The following IL37 variants were observed in gnomAD, a reference collection of about 807,000 sequenced individuals.
IL37 encodes the protein interleukin 37.
Under a neutral mutation model 15.4 loss-of-function variants are expected in IL37, and 15 were observed. The observed-to-expected ratio is 0.98, with a 90% CI of 0.65 to 1.50. The LOEUF is 1.50. Among genes scored for constraint, IL37 ranks in the 40% most tolerant of loss-of-function variants. The pLI, the probability that IL37 is intolerant of heterozygous loss-of-function variation, is 0.00. For synonymous variants in IL37, 98 were observed against 97.4 expected (o/e 1.01, Z -0.03); for missense variants, 269 against 261.7 (o/e 1.03, Z -0.19).
At chr2:112,915,370 C>A in intron 3 of IL37, 1 of 911,752 alleles carries the variant, frequency 1.1e-6, no homozygotes, top group Non-Finnish European at 1.7e-6. Flanking sequence ...CCCAGGTATC[C>A]ATGGTCTTAA....
intron 3 of IL37, among the ~76,000 whole-genome samples, chr2:112,914,788 C>T (rs936139039): frequency 7.2e-5 from 11 of 152,184 alleles, no homozygotes; most frequent in African/African-American, 2.2e-4. Flanking sequence ...TCAAATCTGG[C>T]GGAAGTGGTT....
In IL37 at chr2:112,917,654, C is replaced by T. The variant is rs771763163; in HGVS notation, c.285C>T (p.Ala95=). The change falls in exon 5 of 6, where the codon GCC becomes GCT. Residue 95 remains alanine (A), a synonymous_variant. Transcript: ENST00000263326. Reference sequence around the variant, plus strand: ...TTCCAGAGATCTTCTTTGCATTAGCCTCATCCTTGAGCTCAGCCTCTGCGG... The same window carrying T: ...TTCCAGAGATCTTCTTTGCATTAGCTTCATCCTTGAGCTCAGCCTCTGCGG... The part of the protein sequence containing the change: ...YIRPEIFFAL[A]SSLSSASAEK... 1 of 1,594,250 alleles carries T rather than the reference C, an allele frequency of 6.3e-7. No individual in the cohort carries two copies. The highest frequency in any genetic ancestry group is 1.1e-5 in the South Asian group (1 of 87,796).
chr2:112,915,134 A>T, intron 3 of IL37: 1 of 1,510,800 alleles, frequency 6.6e-7, no homozygotes. Flanking sequence ...AAGGATCATG[A>T]GCGAGAACAC....
intron 3 of IL37, among the ~76,000 whole-genome samples, chr2:112,914,671 C>G (rs1326936614): frequency 6.6e-6 from 1 of 152,176 alleles, no homozygotes; most frequent in Non-Finnish European, 1.5e-5. Context: ...GTAGTTACAC[C>G]ATTGCTGGCT....
At chr2:112,918,536 C>A (rs746524603) in intron 5 of IL37, 25 bp from the exon 6 acceptor site, 1 of 1,595,124 alleles carries the variant, frequency 6.3e-7, no homozygotes, top group Admixed American at 1.7e-5. Flanking sequence ...CCTGTGCTAT[C>A]TAATTAATCC....
intron 3 of IL37, among the ~76,000 whole-genome samples, chr2:112,915,543 T>G (rs922081889): frequency 6.6e-6 from 1 of 152,204 alleles, no homozygotes; most frequent in Non-Finnish European, 1.5e-5. Context: ...AACCATAGTT[T>G]GCAGGTGATT....
At chr2:112,917,985 C>CG (rs36114356) in intron 5 of IL37, among the ~76,000 whole-genome samples, 1 of 152,216 alleles carries the variant, frequency 6.6e-6, no homozygotes, top group East Asian at 1.9e-4. Flanking sequence ...CTCCTCACAG[C>CG]GGGGAGACAG....
chr2:112,912,654 C>T (rs1683203250), intron 1 of IL37, among the ~76,000 whole-genome samples: 1 of 152,184 alleles, frequency 6.6e-6, no homozygotes, highest in Non-Finnish European at 1.5e-5. Context: ...GGCCAAAGGC[C>T]ATAGTGTGCC....
chr2:112,914,623 G>C, intron 3 of IL37, among the ~76,000 whole-genome samples: 1 of 152,314 alleles, frequency 6.6e-6, no homozygotes, highest in East Asian at 1.9e-4. Context: ...CTTCTCCACC[G>C]CTGCTGCTGC....
At chr2:112,918,197 G>A (rs946858157) in intron 5 of IL37, among the ~76,000 whole-genome samples, 1 of 23,568 alleles carries the variant, frequency 4.2e-5, no homozygotes. Flanking sequence ...CCTGGATGGA[G>A]CACCTTTCAC....
At chr2:112,915,414 CA>C (rs1683284502) in intron 3 of IL37, among the ~76,000 whole-genome samples, 1 of 152,106 alleles carries the variant, frequency 6.6e-6, no homozygotes, top group African/African-American at 2.4e-5. Flanking sequence ...CAGTGTGCAC[CA>C]GGGGTGAGAG....
rs550494451 is a variant in IL37 at position 112,913,077 on chromosome 2, C to T, written c.65C>T (p.Pro22Leu). The T allele has an allele frequency of 1.7e-5, 26 of 1,564,420 alleles. No homozygotes were observed. The South Asian group carries it at 2.7e-4, about 16-fold the overall frequency. Residue 22 changes from proline (P) to leucine (L), a missense_variant, in exon 2 of 6, where the codon CCC (proline) becomes CTC (leucine). Coordinates refer to ENST00000263326, the MANE Select transcript of IL37 (RefSeq NM_014439.4). Reference protein sequence around the residue: ...MGSEDWEKDEPQCCLEDPAGS... With the variant: ...MGSEDWEKDELQCCLEDPAGS... The stretch of plus-strand genomic sequence containing the variant: ...TCTGAGGACTGGGAAAAAGATGAAC[C>T]CCAGTGCTGCTTAGAAGGTAAGGTT...
intron 3 of IL37, 21 bp from the exon 4 acceptor site, chr2:112,917,108 T>C (rs1189083094): frequency 1.2e-6 from 2 of 1,613,286 alleles, no homozygotes; most frequent in East Asian, 4.5e-5. Flanking sequence ...GAAGTGTTGA[T>C]ATCTGGTGAT....
chr2:112,917,929 T>C (rs1282258073), intron 5 of IL37, 152 bp downstream of exon 5: 34 of 780,300 alleles, frequency 4.4e-5, no homozygotes, highest in Non-Finnish European at 6.6e-5. Flanking sequence ...AAGAGCCCCA[T>C]AACTTCTTCT....
At chr2:112,918,103 G>T (rs1006755733) in intron 5 of IL37, among the ~76,000 whole-genome samples, 10 of 152,310 alleles carry the variant, frequency 6.6e-5, no homozygotes, top group Admixed American at 4.6e-4. Context: ...AACACAATTG[G>T]GCCAGGACCC....
intron 5 of IL37, 87 bp downstream of exon 5, chr2:112,917,864 T>G: frequency 7.0e-7 from 1 of 1,419,438 alleles, no homozygotes; most frequent in Non-Finnish European, 9.9e-7. Context: ...TTCCTGCAAA[T>G]TCTTATCTTG....
intron 1 of IL37, 126 bp from the exon 2 acceptor site, chr2:112,912,837 T>G (rs573905822): frequency 4.9e-5 from 24 of 486,978 alleles, no homozygotes; most frequent in African/African-American, 4.9e-4. Flanking sequence ...CCTTGGTGCC[T>G]TTCTGGTTGC....
Position 112,917,678 on chromosome 2 carries a change from G to A in IL37, c.309G>A (p.Ala103=), listed in dbSNP as rs1244883922. 15 of 1,610,102 alleles carry A rather than the reference G, an allele frequency of 9.3e-6. No homozygotes were observed. The highest frequency in any genetic ancestry group is 6.7e-5 in the Admixed American group (4 of 59,276). ...ALASSLSSAS[A]EKGSPILLGV... ...CCTCATCCTTGAGCTCAGCCTCTGC[G>A]GAGAAAGGAAGTCCGATTCTCCTGG... The change falls in exon 5 of 6, where the codon GCG becomes GCA. Residue 103 remains alanine, a synonymous_variant. Coordinates refer to ENST00000263326, the MANE Select transcript of IL37 (RefSeq NM_014439.4).
At chr2:112,915,352 G>T in intron 3 of IL37, 4 of 1,057,990 alleles carry the variant, frequency 3.8e-6, no homozygotes. Context: ...AATCTCAGGA[G>T]TGTGAGGCCC....
Sources: gnomAD v4.1 joint callset for allele counts (sites outside exome capture counted in the v4.1 genomes callset) on GRCh38, gnomAD v4.1.1 for gene constraint, MANE v1.5 for transcripts, NCBI Gene and HGNC (gene_info 2026-07-23, HGNC 2026-07-21) for gene names.